The following CALCR variants were observed in gnomAD, a reference collection of about 807,000 sequenced individuals.
CALCR encodes the protein calcitonin receptor.
Under a neutral mutation model 59.5 loss-of-function variants are expected in CALCR, and 47 were observed. The observed-to-expected ratio is 0.79, with a 90% CI of 0.63 to 1.01. CALCR has a LOEUF of 1.01. CALCR is among the 50% of genes least tolerant of loss of function. CALCR has a pLI of 0.00. For missense variants in CALCR, 566 were observed against 597.1 expected (o/e 0.95, Z 0.54); for synonymous variants, 213 against 211.3 (o/e 1.01, Z -0.07).
At chr7:93,460,576 T>TATATATATATATAC (rs1562982451) in intron 8 of CALCR, among the ~76,000 whole-genome samples, 115 of 104,352 alleles carry the variant, frequency 1.1e-3, no homozygotes, top group African/African-American at 5.5e-3. Context: ...AAAAAAAATA[T>TATATATATATATAC]ATATATATAT....
rs115352935 is a variant in CALCR at position 93,518,147 on chromosome 7, G to T, written c.-26-31140C>A. Among the ~76,000 whole-genome samples, 858 of 151,744 alleles carry T rather than the reference G, an allele frequency of 5.7e-3. 7 individuals are homozygous for T. The highest frequency in any genetic ancestry group is 0.02 in the African/African-American group (824 of 41,446). ...ACTTCCAAGGGTGACATCAAATTTA[G>T]GAGGCATAAAAGCCAAGATTGATAA... On this transcript the variant is annotated intron_variant, in intron 2 of 13. Transcript: ENST00000426151.
chr7:93,517,125 T>C (rs1037325957), intron 2 of CALCR, among the ~76,000 whole-genome samples: 3 of 151,768 alleles, frequency 2.0e-5, no homozygotes, highest in Admixed American at 6.6e-5. Flanking sequence ...TATTATGGAC[T>C]TCACAAGTAA....
rs1392882906 is a variant in CALCR at position 93,443,724 on chromosome 7, A to T, written c.682T>A (p.Tyr228Asn). The change falls in exon 9 of 14, where the codon TAC becomes AAC. Residue 228 changes from tyrosine (Y) to asparagine (N), a missense_variant. Tyr to Asn is a moderately radical substitution (Grantham distance 143). Transcript: ENST00000426151. ...SCKILHFFHQ[Y>N]MMACNYFWML... ...CAGAAATAGTTGCAGGCCATCATGT[A>T]CTGGTGGAAAAAATGCAAAATCTTG... The T allele has an allele frequency of 1.2e-6, 2 of 1,612,922 alleles. No homozygotes were observed. The highest frequency in any genetic ancestry group is 2.7e-5 in the African/African-American group (2 of 74,982).
chr7:93,525,489 T>C (rs974000821), intron 2 of CALCR, among the ~76,000 whole-genome samples: 4 of 152,084 alleles, frequency 2.6e-5, no homozygotes, highest in Admixed American at 1.3e-4. Flanking sequence ...GAGAGCAAAA[T>C]ATGAAGCAGA....
chr7:93,549,666 T>C (rs1158814290), intron 2 of CALCR, among the ~76,000 whole-genome samples: 2 of 152,114 alleles, frequency 1.3e-5, no homozygotes, highest in African/African-American at 4.8e-5. Flanking sequence ...ATTCAGACAA[T>C]CTGACCAGAT....
At chr7:93,458,577 C>A (rs1800254540) in intron 8 of CALCR, among the ~76,000 whole-genome samples, 1 of 152,122 alleles carries the variant, frequency 6.6e-6, no homozygotes, top group African/African-American at 2.4e-5. Flanking sequence ...GCTATGGGGA[C>A]CATCAGTAGA....
In CALCR at chr7:93,527,407, C is replaced by T. The variant is rs962659809; in HGVS notation, c.-26-40400G>A. On this transcript the variant is annotated intron_variant, in intron 2 of 13. Coordinates refer to ENST00000426151, the MANE Select transcript of CALCR (RefSeq NM_001742.4). ...AAATATTGTCTATATTTCTATAATG[C>T]AAGTTGTCCCAAAAAGCTTAGTACA... Among the ~76,000 whole-genome samples the T allele has an allele frequency of 2.0e-5, 3 of 151,966 alleles. 1 individual carries two copies. The highest frequency in any genetic ancestry group is 7.2e-5 in the African/African-American group (3 of 41,494).
chr7:93,492,180 G>C (rs1297862414), intron 2 of CALCR, among the ~76,000 whole-genome samples: 1 of 151,598 alleles, frequency 6.6e-6, no homozygotes, highest in Non-Finnish European at 1.5e-5. Flanking sequence ...TCACTCATAA[G>C]TGGGAGTTGA....
chr7:93,451,386 A>G (rs1800107024), intron 8 of CALCR, among the ~76,000 whole-genome samples: 1 of 152,032 alleles, frequency 6.6e-6, no homozygotes, highest in Non-Finnish European at 1.5e-5. Flanking sequence ...ATGCAATTGA[A>G]TACTTTTTCT....
Position 93,563,286 on chromosome 7 carries a change from T to C in CALCR, c.-27+11003A>G, listed in dbSNP as rs555337293. Among the ~76,000 whole-genome samples the C allele has an allele frequency of 2.0e-5, 3 of 152,296 alleles. No homozygotes were observed. The South Asian group carries it at 6.2e-4, about 32-fold the overall frequency. ...TTAGCCTAATTAAAATTCAATGTAT[T>C]TTTTACTTGCCATTTTTAGACCACT... On this transcript the variant is annotated intron_variant, in intron 2 of 13. Coordinates refer to ENST00000426151, the MANE Select transcript of CALCR (RefSeq NM_001742.4).
chr7:93,439,856 TC>T (rs1197026109), intron 9 of CALCR, among the ~76,000 whole-genome samples: 1 of 152,132 alleles, frequency 6.6e-6, no homozygotes, highest in Non-Finnish European at 1.5e-5. Context: ...TAAGTGATCT[TC>T]CTGAGAACTA....
intron 8 of CALCR, 127 bp downstream of exon 8, chr7:93,460,694 G>C (rs866252368): frequency 1.9e-6 from 1 of 534,466 alleles, no homozygotes; most frequent in Non-Finnish European, 3.0e-6. Flanking sequence ...TGCAAAACTC[G>C]ACGGTAGAAG....
chr7:93,456,715 C>G (rs531103342), intron 8 of CALCR, among the ~76,000 whole-genome samples: 1 of 152,188 alleles, frequency 6.6e-6, no homozygotes, highest in South Asian at 2.1e-4. Context: ...ATAGCTAAAA[C>G]CAGCAAGTCT....
chr7:93,436,015 T>A lies in CALCR; in HGVS notation c.1086A>T (p.Arg362Ser). The A allele has an allele frequency of 6.2e-7, 1 of 1,613,698 alleles. No individual in the cohort carries two copies. The highest frequency in any genetic ancestry group is 8.5e-7 in the Non-Finnish European group (1 of 1,179,728). Residue 362 changes from arginine to serine, a missense_variant, in exon 12 of 14, where the codon AGA (arginine) becomes AGT (serine). By Grantham distance (110) the Arg-to-Ser change is moderately radical. Transcript: ENST00000426151. ...TCTTCCCAAGCATCTTGTTGGAAGG[T>A]CTCCAGGGAAAGACGACAAACTGGA... ...LGIQFVVFPW[R>S]PSNKMLGKIY... is the part of the protein sequence containing the mutation.
chr7:93,553,475 A>G (rs980441348), intron 2 of CALCR, among the ~76,000 whole-genome samples: 7 of 150,952 alleles, frequency 4.6e-5, no homozygotes, highest in Middle Eastern at 6.8e-3. Context: ...GTTAATGAAA[A>G]CTTACCCTTT....
At chr7:93,546,576 CT>C (rs772741599) in intron 2 of CALCR, among the ~76,000 whole-genome samples, 441 of 141,678 alleles carry the variant, frequency 3.1e-3, no homozygotes, top group South Asian at 5.5e-3. Flanking sequence ...TTTTTCTTTT[CT>C]TTTTTTTTTT....
chr7:93,441,310 A>G (rs1396326911), intron 9 of CALCR, among the ~76,000 whole-genome samples: 1 of 151,992 alleles, frequency 6.6e-6, no homozygotes, highest in African/African-American at 2.4e-5. Flanking sequence ...GGCAGAAAGT[A>G]TGTGTGTGTT....
chr7:93,464,787 T>G (rs943854356), intron 7 of CALCR, among the ~76,000 whole-genome samples: 1 of 152,036 alleles, frequency 6.6e-6, no homozygotes. Context: ...TACCATTGAT[T>G]TCATGGTTTC....
intron 3 of CALCR, among the ~76,000 whole-genome samples, chr7:93,484,947 C>T (rs1409095941): frequency 6.6e-6 from 1 of 151,312 alleles, no homozygotes; most frequent in Non-Finnish European, 1.5e-5. Flanking sequence ...AGGTGGTGAC[C>T]CAAACTGAGA....
Sources: gnomAD v4.1 joint callset for allele counts (sites outside exome capture counted in the v4.1 genomes callset) on GRCh38, gnomAD v4.1.1 for gene constraint, MANE v1.5 for transcripts, NCBI Gene and HGNC (gene_info 2026-07-23, HGNC 2026-07-21) for gene names.